Variants in SIAH3 observed in about 807,000 individuals in gnomAD.
The protein encoded by SIAH3 is seven in absentia homolog 3.
In SIAH3, 9 loss-of-function variants were observed where a neutral mutation model predicts 12.6. The observed-to-expected ratio is 0.72, with a 90% CI of 0.43 to 1.25. The LOEUF (loss-of-function observed/expected upper bound fraction) is 1.25, where lower values mean the gene tolerates loss of function less well. SIAH3 is among the 50% of genes most tolerant of loss of function. SIAH3 has a pLI of 0.00. For synonymous variants in SIAH3, 154 were observed against 151.1 expected, an observed-to-expected ratio of 1.02 and a Z score of -0.14; for missense variants, 390 against 365.4, an observed-to-expected ratio of 1.07 and a Z score of -0.55.
intron 1 of SIAH3, among the ~76,000 whole-genome samples, chr13:45,793,584 C>T (rs1033286041): frequency 6.6e-6 from 1 of 152,186 alleles, no homozygotes; most frequent in African/African-American, 2.4e-5. Context: ...AGTGTCAGCA[C>T]AGTGATTGGA....
At chr13:45,811,954 T>A (rs1950617802) in intron 1 of SIAH3, among the ~76,000 whole-genome samples, 1 of 152,216 alleles carries the variant, frequency 6.6e-6, no homozygotes, top group South Asian at 2.1e-4. Flanking sequence ...GGCCTGGGCA[T>A]GCCTGCACTG....
intron 1 of SIAH3, among the ~76,000 whole-genome samples, chr13:45,815,087 T>A (rs1950629749): frequency 6.6e-6 from 1 of 151,942 alleles, no homozygotes; most frequent in South Asian, 2.1e-4. Context: ...ACCTTCATTT[T>A]TTTTTTTTTT....
intron 1 of SIAH3, among the ~76,000 whole-genome samples, chr13:45,834,641 T>C (rs1322641339): frequency 6.6e-6 from 1 of 152,158 alleles, no homozygotes; most frequent in Non-Finnish European, 1.5e-5. Flanking sequence ...CTGTGGGGCA[T>C]GACACCTCCC....
At chr13:45,819,626 GA>G (rs1234287576) in intron 1 of SIAH3, among the ~76,000 whole-genome samples, 4 of 152,238 alleles carry the variant, frequency 2.6e-5, no homozygotes, top group African/African-American at 9.6e-5. Flanking sequence ...TGTGGCTTTA[GA>G]AATAGCTTCT....
At chr13:45,816,966 A>C (rs2137567789) in intron 1 of SIAH3, among the ~76,000 whole-genome samples, 1 of 152,382 alleles carries the variant, frequency 6.6e-6, no homozygotes, top group South Asian at 2.1e-4. Flanking sequence ...AATGGGATGC[A>C]TCCTGCATCC....
At chr13:45,810,576 T>G (rs540511140) in intron 1 of SIAH3, among the ~76,000 whole-genome samples, 2 of 152,294 alleles carry the variant, frequency 1.3e-5, no homozygotes, top group South Asian at 4.1e-4. Flanking sequence ...TTTGTCCCAG[T>G]GCGTTTGCCT....
chr13:45,831,830 A>C (rs1181182981), intron 1 of SIAH3, among the ~76,000 whole-genome samples: 1 of 152,158 alleles, frequency 6.6e-6, no homozygotes, highest in East Asian at 1.9e-4. Context: ...TGAAACCAAA[A>C]CCCTGTTTTC....
chr13:45,798,191 T>C (rs183602519), intron 1 of SIAH3, among the ~76,000 whole-genome samples: 8 of 152,388 alleles, frequency 5.2e-5, no homozygotes, highest in African/African-American at 1.9e-4. Flanking sequence ...TTAGTTTAAT[T>C]GGGTTTTCAT....
intron 1 of SIAH3, among the ~76,000 whole-genome samples, chr13:45,844,234 T>C (rs1187143740): frequency 2.0e-5 from 3 of 152,220 alleles, no homozygotes; most frequent in African/African-American, 7.2e-5. Flanking sequence ...TTATGTCGGA[T>C]GTTTCTGTGA....
chr13:45,812,797 G>C (rs1319042090), intron 1 of SIAH3, among the ~76,000 whole-genome samples: 1 of 152,204 alleles, frequency 6.6e-6, no homozygotes, highest in African/African-American at 2.4e-5. Flanking sequence ...AGGATTTTTT[G>C]TTGCACTAGT....
intron 1 of SIAH3, among the ~76,000 whole-genome samples, chr13:45,787,926 G>C (rs541911524): frequency 6.6e-6 from 1 of 152,148 alleles, no homozygotes; most frequent in East Asian, 1.9e-4. Context: ...CCCCAGCAAC[G>C]GTCATTTCCC....
Position 45,784,257 on chromosome 13 carries a change from G to C in SIAH3, c.136-200C>G, listed in dbSNP as rs542284897. ...TGGGCGCCTTGGGGTGGGGGGTGTTGAGATTCTGAAAAGTCAGTCCAAGAA... is the reference window on the plus strand; with the variant it reads ...TGGGCGCCTTGGGGTGGGGGGTGTTCAGATTCTGAAAAGTCAGTCCAAGAA... On this transcript the variant is annotated intron_variant, in intron 1 of 1. Coordinates refer to ENST00000400405, the MANE Select transcript of SIAH3 (RefSeq NM_198849.3). Among the ~76,000 whole-genome samples the C allele has an allele frequency of 2.6e-5, 4 of 152,228 alleles. No individual in the cohort carries two copies. The South Asian group carries it at 8.3e-4, about 32-fold the overall frequency.
intron 1 of SIAH3, among the ~76,000 whole-genome samples, chr13:45,818,818 G>T (rs906876378): frequency 2.0e-5 from 3 of 152,188 alleles, no homozygotes; most frequent in African/African-American, 7.2e-5. Flanking sequence ...GCCACACAAG[G>T]TCACATTCAC....
At chr13:45,805,382 A>C (rs1025434883) in intron 1 of SIAH3, among the ~76,000 whole-genome samples, 8 of 152,164 alleles carry the variant, frequency 5.3e-5, no homozygotes, top group African/African-American at 1.9e-4. Flanking sequence ...AAAACAGACC[A>C]TAGACCAATG....
chr13:45,843,873 C>T (rs1198950326), intron 1 of SIAH3, among the ~76,000 whole-genome samples: 1 of 152,016 alleles, frequency 6.6e-6, no homozygotes, highest in Non-Finnish European at 1.5e-5. Context: ...GGTCATAATC[C>T]CAAAAGATGC....
At chr13:45,793,333 C>T (rs1216768266) in intron 1 of SIAH3, among the ~76,000 whole-genome samples, 1 of 152,238 alleles carries the variant, frequency 6.6e-6, no homozygotes, top group African/African-American at 2.4e-5. Context: ...CCTTGTTTCT[C>T]TGAGTTCTTC....
Position 45,780,852 on chromosome 13 carries a change from A to C in SIAH3, c.*2531T>G, listed in dbSNP as rs976797536. ...TTCTGTTAGTATATTGAGGATACTA[A>C]TGAGGATTAACCTGAGACTCAAATC... On this transcript the variant is annotated 3_prime_UTR_variant, in exon 2 of 2. Transcript: ENST00000400405. 18 of 152,226 alleles carry C rather than the reference A, an allele frequency of 1.2e-4. No homozygotes were observed. The highest frequency in any genetic ancestry group is 1.9e-4 in the Non-Finnish European group (13 of 68,050). 9.4% of individuals were successfully genotyped at this position (152,226 alleles called of 1,614,324 possible). A position where few individuals can be genotyped will look rare whatever the true frequency, so the allele number is the denominator to read the frequency against.
At position 45,785,722 on chromosome 13, in the gene SIAH3, C is replaced by T. The variant is rs376988923; in HGVS notation, c.136-1665G>A. Among the ~76,000 whole-genome samples, 28 of 152,282 alleles carry T rather than the reference C, an allele frequency of 1.8e-4. No individual in the cohort carries two copies. The South Asian group carries it at 4.1e-3, about 23-fold the overall frequency. On this transcript the variant is annotated intron_variant, in intron 1 of 1. Transcript: ENST00000400405. Reference sequence around the variant, plus strand: ...CCATCTGCTGGTTTCCTCATTCTTCCCCCAGAAGTGTGATCTACAGGGGCT... The same window carrying T: ...CCATCTGCTGGTTTCCTCATTCTTCTCCCAGAAGTGTGATCTACAGGGGCT...
At chr13:45,841,587 T>C (rs1950740283) in intron 1 of SIAH3, among the ~76,000 whole-genome samples, 1 of 152,210 alleles carries the variant, frequency 6.6e-6, no homozygotes, top group African/African-American at 2.4e-5. Flanking sequence ...ATATAGCAAC[T>C]TGCAAGTAAA....
Sources: gnomAD v4.1 joint callset for allele counts (sites outside exome capture counted in the v4.1 genomes callset) on GRCh38, gnomAD v4.1.1 for gene constraint, MANE v1.5 for transcripts, NCBI Gene and HGNC (gene_info 2026-07-23, HGNC 2026-07-21) for gene names.